Variants in RALB observed in about 807,000 individuals in gnomAD.
RALB encodes the protein RAS like proto-oncogene B, also known as ras-related protein Ral-B.
A neutral mutation model predicts 21.3 loss-of-function variants in RALB; 16 were observed. The ratio of observed to expected loss-of-function variants is 0.75; its 90% CI spans 0.51 to 1.14. The LOEUF (loss-of-function observed/expected upper bound fraction) is 1.14, where lower values mean the gene tolerates loss of function less well. Among genes scored for constraint, RALB ranks in the 50% most tolerant of loss-of-function variants. RALB has a pLI of 0.00. For synonymous variants in RALB, 93 were observed against 96.1 expected (o/e 0.97, Z 0.19); for missense variants, 161 against 256.2 (o/e 0.63, Z 2.54).
At chr2:120,247,178 G>A (rs1489661255) in intron 1 of RALB, among the ~76,000 whole-genome samples, 1 of 152,196 alleles carries the variant, frequency 6.6e-6, no homozygotes, top group Non-Finnish European at 1.5e-5. Context: ...GGACACGAGA[G>A]GACATGCAGT....
At position 120,245,001 on chromosome 2, in the gene RALB, C is replaced by T. The variant is rs76666452; in HGVS notation, c.19+4876C>T. 6.1e-3 allele frequency among the ~76,000 whole-genome samples: 928 copies of T among 152,352 alleles called. 15 individuals carry two copies. Among genetic ancestry groups the T allele is most frequent in the African/African-American group, 0.021 (880 of 41,582 alleles). On this transcript the variant is annotated intron_variant, in intron 1 of 3. Coordinates refer to the RALB transcript ENST00000447591. The stretch of plus-strand genomic sequence containing the variant: ...AGATGCTTCCCCCAGTGTTCTCTGT[C>T]TCTTTCGTCAGCCCTGGTGCCGAGT...
chr2:120,267,233 C>T (rs1689526664), intron 1 of RALB, among the ~76,000 whole-genome samples: 1 of 151,964 alleles, frequency 6.6e-6, no homozygotes, highest in Non-Finnish European at 1.5e-5. Flanking sequence ...TGGGAAGGGA[C>T]AGGTAAAGAG....
intron 1 of RALB, among the ~76,000 whole-genome samples, chr2:120,277,518 G>A (rs1288789498): frequency 1.8e-4 from 26 of 147,618 alleles, no homozygotes; most frequent in Non-Finnish European, 2.8e-4. Context: ...GAACGTTAGA[G>A]CGTATGTGAG....
intron 4 of RALB, among the ~76,000 whole-genome samples, chr2:120,290,999 G>C (rs1227827499): frequency 6.6e-6 from 1 of 152,140 alleles, no homozygotes; most frequent in Admixed American, 6.6e-5. Context: ...CCTGTCTTCT[G>C]TTTCTCTTTC....
chr2:120,244,950 T>C (rs1044758307), intron 1 of RALB, among the ~76,000 whole-genome samples: 4 of 152,196 alleles, frequency 2.6e-5, no homozygotes, highest in Non-Finnish European at 4.4e-5. Flanking sequence ...GTCAGGGAGC[T>C]GAGCTGGTTC....
At chr2:120,273,567 C>T (rs542403183) in intron 1 of RALB, among the ~76,000 whole-genome samples, 54 of 152,254 alleles carry the variant, frequency 3.5e-4, no homozygotes, top group African/African-American at 1.1e-3. Flanking sequence ...TTATAAAGGC[C>T]GTTTCAGTCC....
Position 120,293,967 on chromosome 2 carries a change from T to G in RALB, c.*707T>G, listed in dbSNP as rs746768039. On this transcript the variant is annotated 3_prime_UTR_variant, in exon 5 of 5. Transcript: ENST00000272519. ...AGCATCCTGATTTTTCTGTAGGAACTTTTCTTTGGCAGACCAAGTGAAGAC... is the reference window on the plus strand; with the variant it reads ...AGCATCCTGATTTTTCTGTAGGAACGTTTCTTTGGCAGACCAAGTGAAGAC... The G allele has an allele frequency of 5.1e-6, 2 of 395,754 alleles. No individual in the cohort carries two copies. Among genetic ancestry groups the G allele is most frequent in the Non-Finnish European group, 8.9e-6 (2 of 224,872 alleles). 24.5% of individuals were successfully genotyped at this position (395,754 alleles called of 1,614,324 possible).
chr2:120,268,599 A>G (rs533768377), intron 1 of RALB, among the ~76,000 whole-genome samples: 4 of 152,238 alleles, frequency 2.6e-5, no homozygotes, highest in African/African-American at 9.6e-5. Flanking sequence ...GCTTGAGCCC[A>G]AGATGTTGAG....
intron 3 of RALB, among the ~76,000 whole-genome samples, chr2:120,288,456 A>G (rs998003849): frequency 6.9e-6 from 1 of 145,268 alleles, no homozygotes; most frequent in Admixed American, 7.3e-5. Context: ...GAGTGCTGGC[A>G]TTACAGATGT....
upstream of RALB, among the ~76,000 whole-genome samples, chr2:120,250,413 A>C (rs935464049): frequency 2.0e-5 from 3 of 152,190 alleles, no homozygotes; most frequent in Non-Finnish European, 4.4e-5. Context: ...TAATTTCTCC[A>C]GCCTAGAAAT....
chr2:120,249,760 C>T (rs1448001106), upstream of RALB, among the ~76,000 whole-genome samples: 1 of 152,230 alleles, frequency 6.6e-6, no homozygotes, highest in Admixed American at 6.5e-5. Context: ...TATCAAACCT[C>T]TTCAGCAGTT....
At chr2:120,248,564 A>C (rs554728020), upstream of RALB, among the ~76,000 whole-genome samples, 4,156 of 99,838 alleles carry the variant, frequency 0.042, 194 homozygotes, top group African/African-American at 0.15. Flanking sequence ...CCTGTCTAGG[A>C]CCCCACTGTG....
intron 1 of RALB, among the ~76,000 whole-genome samples, chr2:120,268,872 A>C (rs540586190): frequency 1.3e-5 from 2 of 152,174 alleles, no homozygotes; most frequent in South Asian, 4.2e-4. Flanking sequence ...GGAAAGTCCA[A>C]CTTCATTGTT....
At chr2:120,246,452 A>G (rs1285231858) in intron 1 of RALB, among the ~76,000 whole-genome samples, 1 of 152,088 alleles carries the variant, frequency 6.6e-6, no homozygotes, top group African/African-American at 2.4e-5. Context: ...TCCTCTATGA[A>G]GTGAGAATTG....
At chr2:120,272,725 C>G (rs537655359) in intron 1 of RALB, among the ~76,000 whole-genome samples, 5 of 152,180 alleles carry the variant, frequency 3.3e-5, no homozygotes, top group Non-Finnish European at 5.9e-5. Context: ...CTCCTCCTGT[C>G]TTTATCTAGT....
intron 1 of RALB, among the ~76,000 whole-genome samples, chr2:120,241,012 C>A (rs1448946592): frequency 1.3e-5 from 2 of 152,302 alleles, no homozygotes; most frequent in African/African-American, 4.8e-5. Context: ...GTCACAAGGA[C>A]CCCAGATCCA....
At chr2:120,266,695 A>C (rs866848703) in intron 1 of RALB, among the ~76,000 whole-genome samples, 1 of 152,182 alleles carries the variant, frequency 6.6e-6, no homozygotes, top group African/African-American at 2.4e-5. Context: ...TGGGCGACAG[A>C]ATGAGACCTT....
At chr2:120,254,951 A>G (rs1447336873) in intron 1 of RALB, among the ~76,000 whole-genome samples, 1 of 152,244 alleles carries the variant, frequency 6.6e-6, no homozygotes, top group African/African-American at 2.4e-5. Context: ...GCTGGGGATC[A>G]CAGGTGTGAG....
chr2:120,273,186 T>C (rs770589618), intron 1 of RALB, among the ~76,000 whole-genome samples: 56 of 151,914 alleles, frequency 3.7e-4, no homozygotes, highest in Middle Eastern at 3.4e-3. Flanking sequence ...AGGCTCAGAG[T>C]TTAGAGTTTT....
Sources: allele counts gnomAD v4.1 joint callset (sites outside exome capture counted in the v4.1 genomes callset), GRCh38; gene constraint gnomAD v4.1.1; transcripts MANE v1.5; gene names NCBI Gene and HGNC (gene_info 2026-07-23, HGNC 2026-07-21).